Variants in TADA3 observed in about 807,000 individuals in gnomAD.
TADA3 encodes the protein transcriptional adaptor 3, also known as transcriptional adapter 3.
TADA3 carries 25 observed loss-of-function variants against 43.2 expected under a neutral mutation model. That is an observed-to-expected ratio of 0.58 (90% confidence interval 0.42 to 0.81). TADA3 has a LOEUF of 0.81. Among genes scored for constraint, TADA3 ranks in the 30% least tolerant of loss-of-function variants. The pLI is 0.00. For synonymous variants in TADA3, 235 were observed against 225.5 expected, an observed-to-expected ratio of 1.04 and a Z score of -0.38; for missense variants, 441 against 567.8, an observed-to-expected ratio of 0.78 and a Z score of 2.27.
Position 9,792,400 on chromosome 3 carries a change from C to G in TADA3, c.-212G>C. The G allele has an allele frequency of 4.8e-6, 4 of 834,048 alleles. No homozygotes were observed. 51.7% of individuals were successfully genotyped at this position (834,048 alleles called of 1,614,324 possible). On this transcript the variant is annotated 5_prime_UTR_variant, in exon 1 of 9. Coordinates refer to ENST00000301964, the MANE Select transcript of TADA3 (RefSeq NM_006354.5). ...CCCCGCCCCCTCTACCTCCTCGCTGCGGCCTCCTACGGCCCCAGGGGCCGC... is the reference window on the plus strand; with the variant it reads ...CCCCGCCCCCTCTACCTCCTCGCTGGGGCCTCCTACGGCCCCAGGGGCCGC...
chr3:9,780,408 G>A lies in TADA3; in HGVS notation c.1248C>T (p.Ala416=), dbSNP rs1227965391. 6.2e-7 allele frequency: 1 copy of A among 1,613,670 alleles called. No homozygotes were observed. Among genetic ancestry groups the A allele is most frequent in the Non-Finnish European group, 8.5e-7 (1 of 1,180,034 alleles). ...RTPTKKEKDQ[A]WKTLKERESI... ...TCTCACGCTCCTTCAGAGTCTTCCA[G>A]GCCTGGTCCTTTTCTTTCTTGGTGG... The change falls in exon 9 of 9, where the codon GCC becomes GCT. Residue 416 remains alanine, a synonymous_variant. Coordinates refer to ENST00000301964, the MANE Select transcript of TADA3 (RefSeq NM_006354.5).
At chr3:9,787,746 A>G (rs1158385228) in intron 4 of TADA3, 1 of 1,273,776 alleles carries the variant, frequency 7.9e-7, no homozygotes, top group Non-Finnish European at 1.0e-6. Flanking sequence ...TTAAGAAATC[A>G]GATAAGTGAA....
rs1485984912 is a variant in TADA3, at chr3:9,789,593, G to A, written c.480C>T (p.Pro160=). ...CCTCGCTGGTGATGTCAGCACAGTA[G>A]GGCTCCACTGAAGCCCAGAACCTGC... ...APNRFWASVE[P]YCADITSEEV... The change falls in exon 4 of 9, where the codon CCC becomes CCT. Residue 160 remains proline (P), a synonymous_variant. Transcript: ENST00000301964. 6.2e-7 allele frequency: 1 copy of A among 1,614,116 alleles called. No individual in the cohort carries two copies. The highest frequency in any genetic ancestry group is 8.5e-7 in the Non-Finnish European group (1 of 1,179,984).
Position 9,787,343 on chromosome 3 carries a change from G to A in TADA3, c.565-3C>T. 6.2e-7 allele frequency: 1 copy of A among 1,605,286 alleles called. No homozygotes were observed. The highest frequency in any genetic ancestry group is 1.1e-5 in the South Asian group (1 of 90,108). ...TAGTGCTTCCCCAGGGGTGGGATCT[G>A]TGGAAAAGATGGCACCCAACCCTGA... On this transcript the variant is annotated splice_region_variant and splice_polypyrimidine_tract_variant and intron_variant, in intron 4 of 8. Transcript: ENST00000301964.
Sources: gnomAD v4.1 joint callset for allele counts on GRCh38, gnomAD v4.1.1 for gene constraint, MANE v1.5 for transcripts, NCBI Gene and HGNC (gene_info 2026-07-23, HGNC 2026-07-21) for gene names.